RGS6: variants seen among roughly 807,000 people sequenced by gnomAD.
The protein encoded by RGS6 is regulator of G-protein signaling 6.
In RGS6, 30 loss-of-function variants were observed where a neutral mutation model predicts 78.5. The observed-to-expected ratio is 0.38, with a 90% CI of 0.29 to 0.52. The LOEUF is 0.52. Among genes scored for constraint, RGS6 ranks in the 20% least tolerant of loss-of-function variants. The pLI is 0.85. For missense variants in RGS6, 495 were observed against 609.7 expected (o/e 0.81, Z 1.98); for synonymous variants, 206 against 206.0 (o/e 1.00, Z 0.00).
intron 2 of RGS6, among the ~76,000 whole-genome samples, chr14:71,971,886 C>T (rs562848526): frequency 3.5e-5 from 5 of 144,800 alleles, no homozygotes; most frequent in African/African-American, 1.3e-4. Context: ...CTCTCCATAT[C>T]GCAGCTCATA....
chr14:71,952,963 T>TA (rs910933243), intron 1 of RGS6, among the ~76,000 whole-genome samples: 2 of 152,192 alleles, frequency 1.3e-5, no homozygotes, highest in Non-Finnish European at 2.9e-5. Context: ...TTCTTGTGTA[T>TA]AAAAATTGGC....
At chr14:72,396,010 T>C (rs2091164582) in intron 3 of RGS6, among the ~76,000 whole-genome samples, 1 of 152,130 alleles carries the variant, frequency 6.6e-6, no homozygotes, top group South Asian at 2.1e-4. Flanking sequence ...CATGTGTCTT[T>C]ATGGCAGCAT....
At chr14:72,293,762 G>C (rs906181206) in intron 2 of RGS6, among the ~76,000 whole-genome samples, 1 of 152,164 alleles carries the variant, frequency 6.6e-6, no homozygotes, top group Non-Finnish European at 1.5e-5. Flanking sequence ...TCAGACATGG[G>C]CTAAGCCAAG....
intron 2 of RGS6, among the ~76,000 whole-genome samples, chr14:72,074,325 A>G (rs2094503903): frequency 6.6e-6 from 1 of 152,176 alleles, no homozygotes; most frequent in South Asian, 2.1e-4. Flanking sequence ...CTTCCTGAGT[A>G]GCTGGGACTA....
intron 3 of RGS6, among the ~76,000 whole-genome samples, chr14:72,408,754 T>G (rs1268891305): frequency 6.6e-6 from 1 of 152,206 alleles, no homozygotes; most frequent in African/African-American, 2.4e-5. Flanking sequence ...AAAGGACATA[T>G]TACATAATCG....
intron 2 of RGS6, among the ~76,000 whole-genome samples, chr14:72,271,515 A>G (rs1258935659): frequency 1.3e-5 from 2 of 152,188 alleles, no homozygotes; most frequent in African/African-American, 2.4e-5. Context: ...CATATCAACC[A>G]CTGTAGACAT....
At chr14:71,981,289 G>T (rs571411987) in intron 2 of RGS6, among the ~76,000 whole-genome samples, 174 of 152,334 alleles carry the variant, frequency 1.1e-3, no homozygotes, top group African/African-American at 3.9e-3. Context: ...GTCCAGCTTT[G>T]TTCCGTTGCT....
intron 15 of RGS6, among the ~76,000 whole-genome samples, chr14:72,532,206 T>C (rs771246584): frequency 2.6e-5 from 4 of 152,250 alleles, no homozygotes; most frequent in Non-Finnish European, 4.4e-5. Context: ...TCTTGCAACA[T>C]TAAGCTTTTT....
intron 2 of RGS6, among the ~76,000 whole-genome samples, chr14:72,045,707 GAA>G (rs112053072): frequency 7.0e-6 from 1 of 142,768 alleles, no homozygotes; most frequent in Admixed American, 7.0e-5. Context: ...TTTTCTTAAA[GAA>G]AAAAAAAAAA....
chr14:72,001,471 AACACACACAC>A (rs3053057), intron 2 of RGS6, among the ~76,000 whole-genome samples: 7,971 of 146,008 alleles, frequency 0.055, 295 homozygotes, highest in African/African-American at 0.095. Context: ...ATAAAAACAG[AACACACACAC>A]ACACACACAC....
At chr14:72,399,024 T>G (rs1381566618) in intron 3 of RGS6, among the ~76,000 whole-genome samples, 3 of 151,900 alleles carry the variant, frequency 2.0e-5, no homozygotes, top group Admixed American at 2.0e-4. Flanking sequence ...AGAATGTATA[T>G]TCTGTTGATT....
At chr14:71,959,984 A>G (rs2093070425) in intron 1 of RGS6, among the ~76,000 whole-genome samples, 1 of 152,172 alleles carries the variant, frequency 6.6e-6, no homozygotes. Context: ...TCTGACTTCA[A>G]AGCCCTTCCT....
intron 2 of RGS6, among the ~76,000 whole-genome samples, chr14:72,308,389 G>A (rs1017104024): frequency 6.6e-6 from 1 of 152,126 alleles, no homozygotes; most frequent in African/African-American, 2.4e-5. Flanking sequence ...AACAGAAATT[G>A]TCTTTGCCTC....
chr14:72,556,258 C>T (rs1045427061), intron 17 of RGS6, among the ~76,000 whole-genome samples: 6 of 152,128 alleles, frequency 3.9e-5, no homozygotes, highest in Non-Finnish European at 7.4e-5. Flanking sequence ...AACTTACAAT[C>T]ATGGTGGAAA....
Position 72,125,929 on chromosome 14 carries a change from A to T in RGS6, c.84+161054A>T, listed in dbSNP as rs2096180474. 2.0e-5 allele frequency among the ~76,000 whole-genome samples: 3 copies of T among 152,214 alleles called. No individual in the cohort carries two copies. In the South Asian group the frequency reaches 6.2e-4, roughly 31 times the overall value. ...AACAATGTAAGCAACTGTTACCATG[A>T]TGACCTATACATTAGAGATGTTACC... On this transcript the variant is annotated intron_variant, in intron 2 of 17. Coordinates refer to ENST00000553525, the MANE Select transcript of RGS6 (RefSeq NM_001204424.2).
Position 71,964,798 on chromosome 14 carries a change from C to G in RGS6, c.7C>G (p.Gln3Glu). Residue 3 changes from glutamine (Q) to glutamate (E), a missense_variant, in exon 2 of 18, where the codon CAA (glutamine) becomes GAA (glutamate). Gln to Glu is a conservative substitution (Grantham distance 29). Transcript: ENST00000553525. Reference sequence around the variant, plus strand: ...GTGAGTGAAGACACTCAGGATGGCTCAAGGATCCGGGGATCAAAGAGCAGT... The same window carrying G: ...GTGAGTGAAGACACTCAGGATGGCTGAAGGATCCGGGGATCAAAGAGCAGT... Reference protein sequence around the residue: MAQGSGDQRAVGV... With the variant: MAEGSGDQRAVGV... 6.2e-7 allele frequency: 1 copy of G among 1,613,322 alleles called. No individual in the cohort carries two copies. Among genetic ancestry groups the G allele is most frequent in the Non-Finnish European group, 8.5e-7 (1 of 1,179,768 alleles).
At chr14:72,011,914 T>A (rs2085834154) in intron 2 of RGS6, among the ~76,000 whole-genome samples, 1 of 152,204 alleles carries the variant, frequency 6.6e-6, no homozygotes, top group Non-Finnish European at 1.5e-5. Context: ...GATCTGAAAA[T>A]AAGATATTAG....
chr14:72,461,036 G>A (rs1429135922), intron 6 of RGS6, among the ~76,000 whole-genome samples: 1 of 152,104 alleles, frequency 6.6e-6, no homozygotes, highest in East Asian at 1.9e-4. Context: ...ACCACTGTGG[G>A]CCCTCTGACA....
Position 72,540,064 on chromosome 14 carries a change from A to G in RGS6, c.1392A>G (p.Arg464=). 1 of 1,587,030 alleles carries G rather than the reference A, an allele frequency of 6.3e-7. No individual in the cohort carries two copies. The highest frequency in any genetic ancestry group is 8.5e-7 in the Non-Finnish European group (1 of 1,176,628). Residue 464 remains arginine, a synonymous_variant, in exon 17 of 18, where the codon AGA becomes AGG. Coordinates refer to ENST00000553525, the MANE Select transcript of RGS6 (RefSeq NM_001204424.2). ...KKKPESEQGR[R]TSLEKFTRSV... is the part of the protein sequence containing the mutation. ...AGCCAGAAAGTGAGCAAGGTCGTAG[A>G]ACTTCCCTAGAAAAGTTCACTCGCA...
Sources: allele counts gnomAD v4.1 joint callset (sites outside exome capture counted in the v4.1 genomes callset), GRCh38; gene constraint gnomAD v4.1.1; transcripts MANE v1.5; gene names NCBI Gene and HGNC (gene_info 2026-07-23, HGNC 2026-07-21).